The following TSGA10 variants were observed in gnomAD, a reference collection of about 807,000 sequenced individuals.
TSGA10 encodes the protein testis specific 10, also known as testis-specific gene 10 protein.
Under a neutral mutation model 96.6 loss-of-function variants are expected in TSGA10, and 43 were observed. That is an observed-to-expected ratio of 0.44 (90% CI 0.35 to 0.57). The LOEUF (loss-of-function observed/expected upper bound fraction) is 0.57, where lower values mean the gene tolerates loss of function less well. Ranked by LOEUF, TSGA10 falls within the 20% of genes least tolerant of loss-of-function variation. The probability of loss-of-function intolerance (pLI) is 0.01; values close to 1 mark genes in which losing one functional copy is unlikely to be tolerated. For missense variants in TSGA10, 703 were observed against 834.4 expected, an observed-to-expected ratio of 0.84 and a Z score of 1.94; for synonymous variants, 229 against 269.9, an observed-to-expected ratio of 0.85 and a Z score of 1.48.
intron 2 of TSGA10, among the ~76,000 whole-genome samples, chr2:99,120,306 T>C (rs1029720578): frequency 3.3e-5 from 5 of 152,174 alleles, no homozygotes; most frequent in African/African-American, 1.2e-4. Flanking sequence ...AAGACAAAAG[T>C]ACTTTAGAAG....
chr2:99,082,054 C>A (rs1270395531), intron 10 of TSGA10, among the ~76,000 whole-genome samples: 1 of 152,226 alleles, frequency 6.6e-6, no homozygotes, highest in Non-Finnish European at 1.5e-5. Context: ...ATTAAGGGCT[C>A]CTTACCCGAC....
chr2:99,092,657 A>G (rs2089493188), intron 10 of TSGA10, among the ~76,000 whole-genome samples: 1 of 152,156 alleles, frequency 6.6e-6, no homozygotes, highest in Admixed American at 6.5e-5. Flanking sequence ...TCACACGCAT[A>G]AACTAGAAAA....
intron 10 of TSGA10, among the ~76,000 whole-genome samples, chr2:99,094,390 A>G (rs537646039): frequency 8.5e-5 from 13 of 152,302 alleles, no homozygotes; most frequent in Admixed American, 2.0e-4. Flanking sequence ...AACAAAAACA[A>G]TAAGTAGGTA....
At chr2:99,075,766 CATT>C (rs2086637808) in intron 12 of TSGA10, among the ~76,000 whole-genome samples, 1 of 152,026 alleles carries the variant, frequency 6.6e-6, no homozygotes, top group Non-Finnish European at 1.5e-5. Flanking sequence ...GGAAATATAA[CATT>C]GTTACGGTTC....
rs142784499 is a variant in TSGA10 at position 99,051,434 on chromosome 2, G to A, written c.1404+13505C>T. Among the ~76,000 whole-genome samples the A allele has an allele frequency of 2.8e-3, 424 of 152,192 alleles. 3 individuals are homozygous for A. The highest frequency in any genetic ancestry group is 3.9e-3 in the Non-Finnish European group (262 of 67,962). On this transcript the variant is annotated intron_variant, in intron 16 of 20. Coordinates refer to ENST00000393483, the MANE Select transcript of TSGA10 (RefSeq NM_025244.4). ...AAAGGGTCAAGGCCATCAGAAATGC[G>A]TAAGAATATACGTATATATGAACTC...
intron 16 of TSGA10, among the ~76,000 whole-genome samples, chr2:99,052,080 C>T (rs999967151): frequency 6.6e-6 from 1 of 150,728 alleles, no homozygotes; most frequent in African/African-American, 2.4e-5. Context: ...AAAAGAAAGG[C>T]AAACAAAATC....
chr2:99,133,520 G>A (rs939932165), intron 1 of TSGA10, among the ~76,000 whole-genome samples: 9 of 152,142 alleles, frequency 5.9e-5, no homozygotes, highest in Non-Finnish European at 1.3e-4. Context: ...ACACAACAAT[G>A]GGTCTTGACT....
intron 2 of TSGA10, chr2:99,125,743 T>C (rs1382195334): frequency 6.6e-6 from 1 of 152,206 alleles, no homozygotes; most frequent in East Asian, 1.9e-4. Context: ...CATCTGTTGA[T>C]ATCTGGAAAG....
intron 16 of TSGA10, among the ~76,000 whole-genome samples, chr2:99,040,563 A>G (rs1037583829): frequency 5.6e-4 from 86 of 152,292 alleles, no homozygotes; most frequent in Middle Eastern, 3.4e-3. Context: ...CTAACCAAGG[A>G]GGTGAAAGAG....
intron 16 of TSGA10, among the ~76,000 whole-genome samples, chr2:99,063,345 T>C (rs1333642683): frequency 6.6e-6 from 1 of 152,146 alleles, no homozygotes; most frequent in East Asian, 1.9e-4. Flanking sequence ...GACATAAAAG[T>C]ATAAACTATA....
intron 16 of TSGA10, among the ~76,000 whole-genome samples, chr2:99,039,449 A>C (rs1447855991): frequency 6.6e-6 from 1 of 152,080 alleles, no homozygotes; most frequent in African/African-American, 2.4e-5. Context: ...ACGAAATGGG[A>C]GCTATTACAA....
chr2:99,140,998 C>G, intron 1 of TSGA10: 1 of 1,085,890 alleles, frequency 9.2e-7, no homozygotes, highest in Non-Finnish European at 1.2e-6. Flanking sequence ...ACCCGCCACT[C>G]CTGCCCGCTT....
chr2:99,010,922 G>A (rs1049545866), intron 20 of TSGA10, among the ~76,000 whole-genome samples: 31 of 152,274 alleles, frequency 2.0e-4, no homozygotes, highest in African/African-American at 7.2e-4. Flanking sequence ...ATGGGAGCTG[G>A]GCAAGGCCTC....
chr2:99,111,220 T>C (rs2091782509), intron 4 of TSGA10, among the ~76,000 whole-genome samples: 1 of 152,036 alleles, frequency 6.6e-6, no homozygotes, highest in Admixed American at 6.6e-5. Flanking sequence ...CTGAAGATAA[T>C]AGGAAAGCAA....
chr2:99,125,774 C>T (rs759201639), intron 2 of TSGA10: 5 of 152,192 alleles, frequency 3.3e-5, no homozygotes, highest in African/African-American at 9.7e-5. Context: ...CTAGATACTG[C>T]TAGGCAAGAA....
intron 20 of TSGA10, among the ~76,000 whole-genome samples, chr2:99,012,014 A>T (rs2104881162): frequency 6.6e-6 from 1 of 152,334 alleles, no homozygotes; most frequent in East Asian, 1.9e-4. Flanking sequence ...TACAAGCCAG[A>T]AGGGATTGGG....
chr2:99,113,308 T>G (rs2091970614), intron 4 of TSGA10, among the ~76,000 whole-genome samples: 1 of 152,150 alleles, frequency 6.6e-6, no homozygotes, highest in South Asian at 2.1e-4. Context: ...ATATAACTTT[T>G]GAGACTGGGT....
chr2:99,003,876 T>C (rs1048157320), intron 20 of TSGA10, among the ~76,000 whole-genome samples: 1 of 152,014 alleles, frequency 6.6e-6, no homozygotes, highest in East Asian at 1.9e-4. Flanking sequence ...CACTTTAACA[T>C]CACAATTAAA....
intron 15 of TSGA10, among the ~76,000 whole-genome samples, chr2:99,066,522 C>A (rs1429280073): frequency 6.6e-6 from 1 of 152,066 alleles, no homozygotes; most frequent in Non-Finnish European, 1.5e-5. Context: ...CCTGATAACA[C>A]CTTGTATTTC....
Sources: allele counts gnomAD v4.1 joint callset (sites outside exome capture counted in the v4.1 genomes callset), GRCh38; gene constraint gnomAD v4.1.1; transcripts MANE v1.5; gene names NCBI Gene and HGNC (gene_info 2026-07-23, HGNC 2026-07-21).